The following ALB variants were observed in gnomAD, a reference collection of about 807,000 sequenced individuals.
ALB encodes serum albumin.
ALB carries 37 observed loss-of-function variants against 74.5 expected under a neutral mutation model. That is an observed-to-expected ratio of 0.50 (90% CI 0.38 to 0.65). The LOEUF is 0.65. Among genes scored for constraint, ALB ranks in the 30% least tolerant of loss-of-function variants. The pLI, the probability that ALB is intolerant of heterozygous loss-of-function variation, is 0.00. For missense variants in ALB, 685 were observed against 718.7 expected (o/e 0.95, Z 0.54); for synonymous variants, 249 against 251.6 (o/e 0.99, Z 0.10).
intron 12 of ALB, 144 bp downstream of exon 12, chr4:73,418,455 AC>A: frequency 1.4e-6 from 1 of 733,608 alleles, no homozygotes; most frequent in Non-Finnish European, 2.3e-6. Flanking sequence ...TGATAAGAGT[AC>A]CCAGAATAAA....
At chr4:73,411,229 A>T (rs1718867060) in intron 6 of ALB, among the ~76,000 whole-genome samples, 1 of 127,664 alleles carries the variant, frequency 7.8e-6, no homozygotes, top group Non-Finnish European at 1.7e-5. Context: ...ACCAAAATCA[A>T]CCAAATTTAT....
intron 11 of ALB, 32 bp from the exon 12 acceptor site, chr4:73,418,056 T>G: frequency 6.2e-7 from 1 of 1,607,796 alleles, no homozygotes; most frequent in Non-Finnish European, 8.5e-7. Context: ...CTTCACCTCT[T>G]TTGAATTTCT....
At chr4:73,407,491 C>T (rs2149327208) in intron 3 of ALB, among the ~76,000 whole-genome samples, 1 of 152,268 alleles carries the variant, frequency 6.6e-6, no homozygotes, top group South Asian at 2.1e-4. Flanking sequence ...ACCACATTTT[C>T]TTTATCCATT....
At chr4:73,414,879 T>G (rs1312595682) in intron 8 of ALB, among the ~76,000 whole-genome samples, 156 bp from the exon 9 acceptor site, 1 of 152,236 alleles carries the variant, frequency 6.6e-6, no homozygotes, top group African/African-American at 2.4e-5. Context: ...TTGGTAACTT[T>G]AACTCTGGAC....
intron 6 of ALB, among the ~76,000 whole-genome samples, chr4:73,411,048 T>C (rs574006628): frequency 1.2e-4 from 18 of 152,284 alleles, no homozygotes; most frequent in African/African-American, 3.8e-4. Flanking sequence ...GAGCATACTT[T>C]AATAGCCGAG....
intron 8 of ALB, among the ~76,000 whole-genome samples, chr4:73,414,576 G>T (rs923993361): frequency 6.6e-6 from 1 of 152,098 alleles, no homozygotes; most frequent in Non-Finnish European, 1.5e-5. Context: ...CGATTCTCCT[G>T]CCTCAGCCTC....
In ALB at chr4:73,421,330, C is replaced by A. The variant is rs1241116624; in HGVS notation, c.*262C>A. The A allele has an allele frequency of 2.6e-6, 1 of 390,962 alleles. No homozygotes were observed. The highest frequency in any genetic ancestry group is 4.5e-6 in the Non-Finnish European group (1 of 219,844). 24.2% of individuals were successfully genotyped at this position (390,962 alleles called of 1,614,324 possible). On this transcript the variant is annotated 3_prime_UTR_variant, in exon 15 of 15. Coordinates refer to ENST00000295897, the MANE Select transcript of ALB (RefSeq NM_000477.7). ...AAATTCTGTAGGTTCTGTGGAAGTT[C>A]CAGTGTTCTCTCTTATTCCACTTCG...
chr4:73,410,300 T>C lies in ALB; in HGVS notation c.616-12T>C. 1 of 1,607,686 alleles carries C rather than the reference T, an allele frequency of 6.2e-7. No homozygotes were observed. ...TTTCTTCTAATTTTCATCAAATTAT[T>C]CCTTTTTGTAGCTCGATGAACTTCG... is the stretch of plus-strand genomic sequence containing the variant. On this transcript the variant is annotated splice_polypyrimidine_tract_variant and intron_variant, in intron 5 of 14. Coordinates refer to ENST00000295897, the MANE Select transcript of ALB (RefSeq NM_000477.7).
chr4:73,419,753 T>C lies in ALB; in HGVS notation c.1785+114T>C, dbSNP rs1719101736. On this transcript the variant is annotated intron_variant, in intron 13 of 14. Coordinates refer to ENST00000295897, the MANE Select transcript of ALB (RefSeq NM_000477.7). ...AGGCTTTGTACATGTGGGACAGGGA[T>C]CTTATTTTACAAACAATTGTCTTAC... The C allele has an allele frequency of 5.4e-6, 7 of 1,285,022 alleles. No individual in the cohort carries two copies. The Admixed American group carries it at 9.6e-5, about 18-fold the overall frequency. 79.6% of individuals were successfully genotyped at this position (1,285,022 alleles called of 1,614,324 possible).
At chr4:73,418,776 GCT>G (rs1481456076) in intron 12 of ALB, among the ~76,000 whole-genome samples, 1 of 152,146 alleles carries the variant, frequency 6.6e-6, no homozygotes, top group Non-Finnish European at 1.5e-5. Context: ...AAGCCCTGAA[GCT>G]CAACTCCCTA....
At chr4:73,420,884 A>G (rs1719125547) in intron 14 of ALB, 1 of 457,246 alleles carries the variant, frequency 2.2e-6, no homozygotes, top group African/African-American at 2.0e-5. Context: ...AATAGGACTT[A>G]TCTTCTTATG....
At chr4:73,408,902 A>G in intron 4 of ALB, 97 bp downstream of exon 4, 2 of 1,102,006 alleles carry the variant, frequency 1.8e-6, no homozygotes, top group Non-Finnish European at 2.6e-6. Flanking sequence ...AATATTTTCA[A>G]CATTAAGACT....
Position 73,406,759 on chromosome 4 carries a change from C to G in ALB, c.268C>G (p.Leu90Val), listed in dbSNP as rs755945494. ...GTCAGCTGAAAATTGTGACAAATCACTTGTAAGTACATTCTAATTGTGGAG... is the reference window on the plus strand; with the variant it reads ...GTCAGCTGAAAATTGTGACAAATCAGTTGTAAGTACATTCTAATTGTGGAG... ...DESAENCDKS[L>V]HTLFGDKLCT... is the part of the protein sequence containing the mutation. The change falls in exon 3 of 15, where the codon CTT (leucine) becomes GTT (valine). Residue 90 changes from leucine (L) to valine (V), a missense_variant and splice_region_variant. Physicochemically the swap from Leu to Val is conservative, Grantham distance 32. Coordinates refer to ENST00000295897, the MANE Select transcript of ALB (RefSeq NM_000477.7). The G allele has an allele frequency of 9.3e-6, 15 of 1,613,524 alleles. No individual in the cohort carries two copies.
Position 73,409,449 on chromosome 4 carries a change from T to G in ALB, c.577T>G (p.Cys193Gly). ...KRYKAAFTEC[C>G]QAADKAACLL... Reference sequence around the variant, plus strand: ...GTATAAAGCTGCTTTTACAGAATGTTGCCAAGCTGCTGATAAAGCTGCCTG... The same window carrying G: ...GTATAAAGCTGCTTTTACAGAATGTGGCCAAGCTGCTGATAAAGCTGCCTG... The change falls in exon 5 of 15, where the codon TGC (cysteine) becomes GGC (glycine). Residue 193 changes from cysteine to glycine, a missense_variant. Cys to Gly is a radical substitution (Grantham distance 159, BLOSUM62 -3). Coordinates refer to ENST00000295897, the MANE Select transcript of ALB (RefSeq NM_000477.7). 6.2e-7 allele frequency: 1 copy of G among 1,614,020 alleles called. No homozygotes were observed. The highest frequency in any genetic ancestry group is 8.5e-7 in the Non-Finnish European group (1 of 1,179,888).
At chr4:73,406,866 A>C (rs1718743701) in intron 3 of ALB, 105 bp downstream of exon 3, 1 of 1,367,364 alleles carries the variant, frequency 7.3e-7, no homozygotes, top group African/African-American at 1.5e-5. Context: ...AAGTGTCCTG[A>C]TTTGTAAGAA....
intron 3 of ALB, among the ~76,000 whole-genome samples, 186 bp from the exon 4 acceptor site, chr4:73,408,408 T>G (rs1718786928): frequency 1.3e-5 from 2 of 152,164 alleles, no homozygotes; most frequent in South Asian, 4.1e-4. Context: ...GACAGTTAAT[T>G]CTTATGAAAA....
chr4:73,411,901 A>G (rs113462439), intron 6 of ALB, 95 bp from the exon 7 acceptor site: 27 of 1,506,198 alleles, frequency 1.8e-5, no homozygotes, highest in African/African-American at 4.1e-5. Flanking sequence ...CTGTATGTCC[A>G]TTTTGAATTT....
At position 73,410,377 on chromosome 4, in the gene ALB, C is replaced by T. The variant is rs764382664; in HGVS notation, c.681C>T (p.Leu227=). The T allele has an allele frequency of 5.0e-6, 8 of 1,613,532 alleles. No individual in the cohort carries two copies. The South Asian group carries it at 8.8e-5, about 18-fold the overall frequency. ...AACAGAGACTCAAGTGTGCCAGTCT[C>T]CAAAAATTTGGAGAAAGAGCTTTCA... ...SAKQRLKCAS[L]QKFGERAFKA... The change falls in exon 6 of 15, where the codon CTC becomes CTT. Residue 227 remains leucine, a synonymous_variant. Transcript: ENST00000295897.
At position 73,412,027 on chromosome 4, in the gene ALB, A is replaced by C. The variant is rs79804069; in HGVS notation, c.745A>C (p.Lys249Gln). ...AGCTCGCCTGAGCCAGAGATTTCCC[A>C]AAGCTGAGTTTGCAGAAGTTTCCAA... ...AVARLSQRFP[K>Q]AEFAEVSKLV... The change falls in exon 7 of 15, where the codon AAA (lysine) becomes CAA (glutamine). Residue 249 changes from lysine (K) to glutamine (Q), a missense_variant. Coordinates refer to ENST00000295897, the MANE Select transcript of ALB (RefSeq NM_000477.7). The C allele has an allele frequency of 4.8e-5, 77 of 1,614,174 alleles. 1 individual carries two copies. The highest frequency in any genetic ancestry group is 1.6e-4 in the Middle Eastern group (1 of 6,062).
Sources: allele counts gnomAD v4.1 joint callset (sites outside exome capture counted in the v4.1 genomes callset), GRCh38; gene constraint gnomAD v4.1.1; transcripts MANE v1.5; gene names NCBI Gene and HGNC (gene_info 2026-07-23, HGNC 2026-07-21).